The following PPP3CA variants were observed in gnomAD, a reference collection of about 807,000 sequenced individuals.
The protein encoded by PPP3CA is protein phosphatase 3 catalytic subunit alpha, also known as CAM-PRP catalytic subunit.
Under a neutral mutation model 66.5 loss-of-function variants are expected in PPP3CA, and 14 were observed. The ratio of observed to expected loss-of-function variants is 0.21; its 90% CI spans 0.14 to 0.33. The LOEUF (loss-of-function observed/expected upper bound fraction) is 0.33, where lower values mean the gene tolerates loss of function less well. PPP3CA is among the 10% of genes least tolerant of loss of function. The pLI is 1.00. For synonymous variants in PPP3CA, 232 were observed against 226.2 expected, an observed-to-expected ratio of 1.03 and a Z score of -0.23; for missense variants, 317 against 639.5, an observed-to-expected ratio of 0.50 and a Z score of 5.44.
At chr4:101,241,578 GC>G (rs1397572953) in intron 1 of PPP3CA, among the ~76,000 whole-genome samples, 1 of 151,810 alleles carries the variant, frequency 6.6e-6, no homozygotes, top group Non-Finnish European at 1.5e-5. Flanking sequence ...TATAACAATA[GC>G]CAATATTAAT....
At chr4:101,245,058 C>T (rs914349136) in intron 1 of PPP3CA, among the ~76,000 whole-genome samples, 1 of 152,000 alleles carries the variant, frequency 6.6e-6, no homozygotes, top group African/African-American at 2.4e-5. Flanking sequence ...TAATGAGATT[C>T]GTGAATAGTT....
chr4:101,083,921 A>G (rs1729548803), intron 6 of PPP3CA, among the ~76,000 whole-genome samples: 2 of 152,220 alleles, frequency 1.3e-5, no homozygotes, highest in African/African-American at 4.8e-5. Context: ...GCAGAACTTT[A>G]TCTTAAGACT....
intron 1 of PPP3CA, among the ~76,000 whole-genome samples, chr4:101,227,761 T>C (rs1041247910): frequency 1.3e-5 from 2 of 151,692 alleles, no homozygotes; most frequent in Admixed American, 6.6e-5. Context: ...TGCTCCCTTC[T>C]ATGTGTCCAT....
rs1323355157 is a variant in PPP3CA, at chr4:101,099,679, G to A, written c.428C>T (p.Thr143Ile). Reference sequence around the variant, plus strand: ...ATGATTTCCACGAAGTAAAAACAGTGTTTTGGGGTAGAGAATTTTCAAGGC... The same window carrying A: ...ATGATTTCCACGAAGTAAAAACAGTATTTTGGGGTAGAGAATTTTCAAGGC... ...LWALKILYPKTLFLLRGNHEC... is the reference protein window; with the variant it reads ...LWALKILYPKILFLLRGNHEC... Residue 143 changes from threonine to isoleucine, a missense_variant, in exon 4 of 14, where the codon ACA becomes ATA. By Grantham distance (89) the Thr-to-Ile change is moderately conservative. Around this residue, in one of 3 missense-constraint regions of PPP3CA, gnomAD observed 201 missense variants for 501.4 expected, o/e 0.40. Coordinates refer to ENST00000394854, the MANE Select transcript of PPP3CA (RefSeq NM_000944.5). 6 of 1,592,104 alleles carry A rather than the reference G, an allele frequency of 3.8e-6. No individual in the cohort carries two copies. The highest frequency in any genetic ancestry group is 5.1e-6 in the Non-Finnish European group (6 of 1,168,852).
chr4:101,058,797 C>T (rs1728335015), intron 10 of PPP3CA, among the ~76,000 whole-genome samples: 1 of 152,156 alleles, frequency 6.6e-6, no homozygotes, highest in Non-Finnish European at 1.5e-5. Flanking sequence ...GCAGGAATAA[C>T]ATGTACCAGT....
rs559720590 is a variant in PPP3CA, at chr4:101,182,955, T to C, written c.259+12961A>G. Among the ~76,000 whole-genome samples, 4 of 152,248 alleles carry C rather than the reference T, an allele frequency of 2.6e-5. No individual in the cohort carries two copies. In the East Asian group the frequency reaches 7.7e-4, roughly 29 times the overall value. On this transcript the variant is annotated intron_variant, in intron 2 of 13. Transcript: ENST00000394854. Reference sequence around the variant, plus strand: ...GCTTTCCACCACGATTGTGAGGCCTTCCCATCCATGTGGAACTGTAAGTCC... The same window carrying C: ...GCTTTCCACCACGATTGTGAGGCCTCCCCATCCATGTGGAACTGTAAGTCC...
chr4:101,195,288 T>C (rs993794294), intron 2 of PPP3CA, among the ~76,000 whole-genome samples: 8 of 151,342 alleles, frequency 5.3e-5, no homozygotes, highest in East Asian at 1.9e-4. Flanking sequence ...AAAAAAGATA[T>C]TTTGTAGGGA....
In PPP3CA at chr4:101,100,678, A is replaced by G. The variant is rs78360469; in HGVS notation, c.385-956T>C. Among the ~76,000 whole-genome samples the G allele has an allele frequency of 8.7e-4, 133 of 152,268 alleles. 2 individuals are homozygous for G. In the East Asian group the frequency reaches 0.024, roughly 27 times the overall value. The stretch of plus-strand genomic sequence containing the variant: ...ACAGAAAATCAGGCTTTGAAAAACA[A>G]GTATGCCCTTTTATCCTCGTAAAAC... On this transcript the variant is annotated intron_variant, in intron 3 of 13. Transcript: ENST00000394854.
rs147059252 is a variant in PPP3CA at position 101,207,680 on chromosome 4, G to A, written c.59-11564C>T. Among the ~76,000 whole-genome samples the A allele has an allele frequency of 4.1e-4, 62 of 152,172 alleles. No homozygotes were observed. In the East Asian group the frequency reaches 6.4e-3, roughly 16 times the overall value. On this transcript the variant is annotated intron_variant, in intron 1 of 13. Transcript: ENST00000394854. ...CGTCTCTACCAAAAATACAAAAGCAGCCAGGCATGCTGGCAGGCGCCTGTA... is the reference window on the plus strand; with the variant it reads ...CGTCTCTACCAAAAATACAAAAGCAACCAGGCATGCTGGCAGGCGCCTGTA...
intron 8 of PPP3CA, among the ~76,000 whole-genome samples, chr4:101,071,689 C>T (rs1728927449): frequency 6.6e-6 from 1 of 152,176 alleles, no homozygotes; most frequent in South Asian, 2.1e-4. Flanking sequence ...TTGACTCCTC[C>T]TTTGTTCCCT....
intron 6 of PPP3CA, among the ~76,000 whole-genome samples, chr4:101,091,453 T>C (rs192445923): frequency 6.6e-6 from 1 of 152,254 alleles, no homozygotes; most frequent in African/African-American, 2.4e-5. Flanking sequence ...AAGTGAACTA[T>C]AAATTTTTAA....
intron 1 of PPP3CA, among the ~76,000 whole-genome samples, chr4:101,304,562 G>A (rs931070998): frequency 4.6e-5 from 7 of 152,162 alleles, no homozygotes; most frequent in African/African-American, 1.7e-4. Flanking sequence ...AAATCTGAAT[G>A]TTATGTAAAG....
At chr4:101,250,588 A>G (rs950609452) in intron 1 of PPP3CA, among the ~76,000 whole-genome samples, 1 of 152,166 alleles carries the variant, frequency 6.6e-6, no homozygotes. Flanking sequence ...TTCAAAATAC[A>G]TATTTTTCCC....
intron 1 of PPP3CA, among the ~76,000 whole-genome samples, chr4:101,216,670 T>C (rs1725467256): frequency 2.0e-5 from 3 of 152,136 alleles, no homozygotes; most frequent in African/African-American, 7.2e-5. Flanking sequence ...CCTGAGTAGC[T>C]GGGACTATAG....
intron 1 of PPP3CA, among the ~76,000 whole-genome samples, chr4:101,232,746 C>G (rs1227401093): frequency 6.6e-6 from 1 of 151,726 alleles, no homozygotes; most frequent in Non-Finnish European, 1.5e-5. Flanking sequence ...TCCTAACACT[C>G]TTGAGTTTTA....
At chr4:101,296,851 C>T (rs1728215409) in intron 1 of PPP3CA, among the ~76,000 whole-genome samples, 1 of 152,118 alleles carries the variant, frequency 6.6e-6, no homozygotes, top group South Asian at 2.1e-4. Context: ...GTCAATGACT[C>T]ACAGTAAAAC....
chr4:101,095,836 GA>G (rs1730172272), intron 5 of PPP3CA, among the ~76,000 whole-genome samples: 1 of 152,088 alleles, frequency 6.6e-6, no homozygotes, highest in Non-Finnish European at 1.5e-5. Context: ...ATTTTCAGTA[GA>G]GATGGGGTTT....
At chr4:101,298,201 G>T (rs1033500452) in intron 1 of PPP3CA, among the ~76,000 whole-genome samples, 6 of 151,992 alleles carry the variant, frequency 3.9e-5, no homozygotes, top group African/African-American at 1.5e-4. Flanking sequence ...TGTACCCTCA[G>T]ATAGACTCAA....
At position 101,234,921 on chromosome 4, in the gene PPP3CA, A is replaced by G. The variant is rs184112942; in HGVS notation, c.59-38805T>C. Among the ~76,000 whole-genome samples, 744 of 151,948 alleles carry G rather than the reference A, an allele frequency of 4.9e-3. 6 individuals carry two copies. The highest frequency in any genetic ancestry group is 0.017 in the African/African-American group (699 of 41,528). On this transcript the variant is annotated intron_variant, in intron 1 of 13. Transcript: ENST00000394854. Reference sequence around the variant, plus strand: ...TATTATTCTAAAATTATTAAAGGACAGGGCTAATACAATTAGAAGAAATGT... The same window carrying G: ...TATTATTCTAAAATTATTAAAGGACGGGGCTAATACAATTAGAAGAAATGT...
Sources: allele counts gnomAD v4.1 joint callset (sites outside exome capture counted in the v4.1 genomes callset), GRCh38; gene constraint gnomAD v4.1.1; regional missense constraint gnomAD v4.1.1; transcripts MANE v1.5; gene names NCBI Gene and HGNC (gene_info 2026-07-23, HGNC 2026-07-21).